Variants in SLC2A13 observed in about 807,000 individuals in gnomAD.
The protein encoded by SLC2A13 is proton myo-inositol cotransporter.
SLC2A13 carries 32 observed loss-of-function variants against 64.4 expected under a neutral mutation model. The ratio of observed to expected loss-of-function variants is 0.50; its 90% CI spans 0.37 to 0.67. SLC2A13 has a LOEUF of 0.67. SLC2A13 is among the 30% of genes least tolerant of loss of function. SLC2A13 has a pLI of 0.00. For missense variants in SLC2A13, 743 were observed against 829.2 expected (o/e 0.90, Z 1.28); for synonymous variants, 338 against 327.1 (o/e 1.03, Z -0.36).
intron 4 of SLC2A13, among the ~76,000 whole-genome samples, chr12:39,947,700 G>A (rs28370599): frequency 0.11 from 14,956 of 139,404 alleles, 824 homozygotes; most frequent in Non-Finnish European, 0.13. Context: ...TCGCTCAGTC[G>A]CCCAGGCTGG....
chr12:39,848,457 T>C (rs776943233), intron 6 of SLC2A13, among the ~76,000 whole-genome samples: 6 of 151,870 alleles, frequency 4.0e-5, no homozygotes, highest in Non-Finnish European at 7.4e-5. Context: ...GAAATGCAAA[T>C]CAAAACCACA....
intron 4 of SLC2A13, among the ~76,000 whole-genome samples, chr12:39,880,449 A>G (rs974027753): frequency 1.3e-5 from 2 of 152,214 alleles, no homozygotes; most frequent in African/African-American, 4.8e-5. Flanking sequence ...GCCAAAATTA[A>G]AAGTTAGAAA....
rs539653917 is a variant in SLC2A13, at chr12:39,910,518, T to C, written c.1035-38557A>G. Reference sequence around the variant, plus strand: ...TAATATATGAATACATTTGGAATACTAATGGGCTTGCCTCCTGTTAGATGG... The same window carrying C: ...TAATATATGAATACATTTGGAATACCAATGGGCTTGCCTCCTGTTAGATGG... On this transcript the variant is annotated intron_variant, in intron 4 of 9. Coordinates refer to ENST00000280871, the MANE Select transcript of SLC2A13 (RefSeq NM_052885.4). 7.9e-5 allele frequency among the ~76,000 whole-genome samples: 12 copies of C among 152,234 alleles called. No homozygotes were observed. In the South Asian group the frequency reaches 2.5e-3, roughly 32 times the overall value.
At chr12:39,947,655 TTTC>T (rs1374972791) in intron 4 of SLC2A13, among the ~76,000 whole-genome samples, 8 of 150,000 alleles carry the variant, frequency 5.3e-5, no homozygotes, top group East Asian at 3.9e-4. Flanking sequence ...ACAGTGAGAA[TTTC>T]TTTTTTTTTT....
rs552461625 is a variant in SLC2A13 at position 39,824,663 on chromosome 12, G to A, written c.1445+5440C>T. Among the ~76,000 whole-genome samples the A allele has an allele frequency of 6.6e-5, 10 of 152,276 alleles. No individual in the cohort carries two copies. The East Asian group carries it at 1.2e-3, about 18-fold the overall frequency. On this transcript the variant is annotated intron_variant, in intron 7 of 9. Coordinates refer to ENST00000280871, the MANE Select transcript of SLC2A13 (RefSeq NM_052885.4). ...CACTGCTACTGCTAAGTGGCACATA[G>A]TGTCAGCCCTGTGAGGTGTTCCAGT...
At position 40,105,773 on chromosome 12, in the gene SLC2A13, C is replaced by A; in HGVS notation, c.36G>T (p.Thr12=). ...SRKASENVEY[T]LRSLSSLMGE... is the part of the protein sequence containing the mutation. Reference sequence around the variant, plus strand: ...CCATCAGGCTGCTCAGGCTCCGCAGCGTGTACTCCACATTCTCGCTTGCCT... The same window carrying A: ...CCATCAGGCTGCTCAGGCTCCGCAGAGTGTACTCCACATTCTCGCTTGCCT... Residue 12 remains threonine, a synonymous_variant, in exon 1 of 10, where the codon ACG becomes ACT. Coordinates refer to ENST00000280871, the MANE Select transcript of SLC2A13 (RefSeq NM_052885.4). This position sits in a 1 kb window ranked among gnomAD's most constrained non-coding sequence, Gnocchi z 4.2. The A allele has an allele frequency of 6.7e-7, 1 of 1,488,914 alleles. No individual in the cohort carries two copies. The highest frequency in any genetic ancestry group is 1.3e-5 in the South Asian group (1 of 78,106). The allele number at this position is 1,488,914 out of a possible 1,614,324, so 92.2% of individuals were successfully genotyped here.
At chr12:39,812,618 G>A (rs913021483) in intron 7 of SLC2A13, among the ~76,000 whole-genome samples, 4 of 151,598 alleles carry the variant, frequency 2.6e-5, no homozygotes, top group East Asian at 1.9e-4. Flanking sequence ...GACTACAGGC[G>A]CCCACGGCTA....
intron 3 of SLC2A13, among the ~76,000 whole-genome samples, chr12:39,996,277 T>G (rs1187985742): frequency 6.6e-6 from 1 of 152,144 alleles, no homozygotes; most frequent in African/African-American, 2.4e-5. Context: ...TGGTATCTAG[T>G]GGAAGAAATT....
rs537539251 is a variant in SLC2A13 at position 39,975,094 on chromosome 12, A to G, written c.926-23729T>C. Among the ~76,000 whole-genome samples, 5 of 152,350 alleles carry G rather than the reference A, an allele frequency of 3.3e-5. No homozygotes were observed. In the South Asian group the frequency reaches 8.3e-4, roughly 25 times the overall value. On this transcript the variant is annotated intron_variant, in intron 3 of 9. Transcript: ENST00000280871. ...TTTTGCTAGGCCTGGAAAGGGCTGAATTACTATTCATTATGGTGATGCTTT... is the reference window on the plus strand; with the variant it reads ...TTTTGCTAGGCCTGGAAAGGGCTGAGTTACTATTCATTATGGTGATGCTTT...
chr12:39,987,478 C>T (rs1363224366), intron 3 of SLC2A13, among the ~76,000 whole-genome samples: 3 of 152,126 alleles, frequency 2.0e-5, no homozygotes, highest in Non-Finnish European at 4.4e-5. Context: ...TGACTCCCTT[C>T]CCCAAAATAA....
chr12:39,989,998 T>C (rs1947106328), intron 3 of SLC2A13, among the ~76,000 whole-genome samples: 1 of 152,214 alleles, frequency 6.6e-6, no homozygotes, highest in African/African-American at 2.4e-5. Context: ...CCTGGAGTTT[T>C]CTCTGATAGG....
intron 7 of SLC2A13, among the ~76,000 whole-genome samples, chr12:39,774,041 T>C (rs1390817355): frequency 6.6e-6 from 1 of 152,226 alleles, no homozygotes; most frequent in African/African-American, 2.4e-5. Flanking sequence ...AAAACATAGA[T>C]ATCCCTCTAA....
At chr12:39,938,154 AAC>A (rs1180886771) in intron 4 of SLC2A13, among the ~76,000 whole-genome samples, 1 of 152,136 alleles carries the variant, frequency 6.6e-6, no homozygotes, top group Non-Finnish European at 1.5e-5. Context: ...AAGGAAAGTG[AAC>A]ACAGATGTAG....
At chr12:40,095,915 A>C (rs1040733369) in intron 1 of SLC2A13, among the ~76,000 whole-genome samples, 1 of 152,008 alleles carries the variant, frequency 6.6e-6, no homozygotes, top group African/African-American at 2.4e-5. Context: ...AGTTTTGCTT[A>C]GTTTTTTGGG....
At chr12:39,935,882 A>G (rs770984851) in intron 4 of SLC2A13, among the ~76,000 whole-genome samples, 2 of 152,102 alleles carry the variant, frequency 1.3e-5, no homozygotes, top group Non-Finnish European at 1.5e-5. Context: ...TATACATCTC[A>G]TCTTTGTGCC....
intron 3 of SLC2A13, among the ~76,000 whole-genome samples, chr12:40,004,599 G>C (rs1433199338): frequency 6.7e-6 from 1 of 149,602 alleles, no homozygotes; most frequent in Non-Finnish European, 1.5e-5. Context: ...ACTGGGCAAT[G>C]AGTAAAGGAC....
chr12:39,858,082 G>T (rs1019536952), intron 6 of SLC2A13, among the ~76,000 whole-genome samples: 1 of 152,196 alleles, frequency 6.6e-6, no homozygotes, highest in African/African-American at 2.4e-5. Flanking sequence ...CAAAGAATAT[G>T]TCCCATAAAT....
At chr12:39,895,015 T>C (rs1004149318) in intron 4 of SLC2A13, among the ~76,000 whole-genome samples, 2 of 152,104 alleles carry the variant, frequency 1.3e-5, no homozygotes, top group Non-Finnish European at 2.9e-5. Flanking sequence ...AGGGAAGAGA[T>C]AGAATCATAA....
chr12:40,101,064 T>C (rs1383896049), intron 1 of SLC2A13, among the ~76,000 whole-genome samples: 1 of 151,314 alleles, frequency 6.6e-6, no homozygotes, highest in Admixed American at 6.6e-5. Flanking sequence ...ACTTTTCACG[T>C]TTAAAAAGTT....
Sources: allele counts gnomAD v4.1 joint callset (sites outside exome capture counted in the v4.1 genomes callset), GRCh38; gene constraint gnomAD v4.1.1; non-coding constraint Gnocchi (gnomAD v3.1); transcripts MANE v1.5; gene names NCBI Gene and HGNC (gene_info 2026-07-23, HGNC 2026-07-21).